The following KCNMA1 variants were observed in gnomAD, a reference collection of about 807,000 sequenced individuals.
The protein encoded by KCNMA1 is Calcium-activated potassium channel subunit alpha-1.
In KCNMA1, 29 loss-of-function variants were observed where a neutral mutation model predicts 140.0. The ratio of observed to expected loss-of-function variants is 0.21; its 90% CI spans 0.15 to 0.28. KCNMA1 has a LOEUF of 0.28. Ranked by LOEUF, KCNMA1 falls within the 10% of genes least tolerant of loss-of-function variation. The pLI, the probability that KCNMA1 is intolerant of heterozygous loss-of-function variation, is 1.00. For synonymous variants in KCNMA1, 612 were observed against 611.9 expected, an observed-to-expected ratio of 1.00 and a Z score of 0.00; for missense variants, 880 against 1,602.2, an observed-to-expected ratio of 0.55 and a Z score of 7.70.
chr10:77,521,186 T>C (rs780262712), intron 1 of KCNMA1, among the ~76,000 whole-genome samples: 6 of 152,104 alleles, frequency 3.9e-5, no homozygotes, highest in Admixed American at 2.6e-4. Flanking sequence ...CTGAGGTGCA[T>C]AAAATTTGGC....
intron 2 of KCNMA1, among the ~76,000 whole-genome samples, chr10:77,305,721 C>G (rs533931326): frequency 2.0e-5 from 3 of 152,186 alleles, no homozygotes; most frequent in Admixed American, 6.5e-5. Context: ...CATAGGCTAC[C>G]TGTCATTCTC....
chr10:77,447,795 C>T (rs1052863548), intron 1 of KCNMA1, among the ~76,000 whole-genome samples: 2 of 152,232 alleles, frequency 1.3e-5, no homozygotes, highest in Non-Finnish European at 1.5e-5. Flanking sequence ...GTGACACCTT[C>T]TCATCAGCAA....
chr10:77,281,795 A>G (rs1687010666), intron 2 of KCNMA1, among the ~76,000 whole-genome samples: 1 of 152,254 alleles, frequency 6.6e-6, no homozygotes, highest in Non-Finnish European at 1.5e-5. Flanking sequence ...ATAAAGGATT[A>G]CATACTGTAT....
intron 3 of KCNMA1, among the ~76,000 whole-genome samples, chr10:77,218,380 T>C (rs1006714258): frequency 6.6e-6 from 1 of 152,216 alleles, no homozygotes; most frequent in African/African-American, 2.4e-5. Context: ...GCAGAATTAC[T>C]TGAATGAATA....
At chr10:76,982,961 G>C (rs1457475010) in intron 19 of KCNMA1, among the ~76,000 whole-genome samples, 2 of 152,098 alleles carry the variant, frequency 1.3e-5, no homozygotes, top group Non-Finnish European at 2.9e-5. Context: ...CTCAGAAAGG[G>C]GTCCCGTGAA....
Position 77,581,792 on chromosome 10 carries a change from T to C in KCNMA1, c.378+55473A>G, listed in dbSNP as rs191598317. On this transcript the variant is annotated intron_variant, in intron 1 of 27. Coordinates refer to ENST00000286628, the MANE Select transcript of KCNMA1 (RefSeq NM_001161352.2). Reference sequence around the variant, plus strand: ...ACTAGGAGTGCTGCAGGTGGTGGCCTTAGAAGGACAGGGGCCAGCCCAGTC... The same window carrying C: ...ACTAGGAGTGCTGCAGGTGGTGGCCCTAGAAGGACAGGGGCCAGCCCAGTC... 2.9e-3 allele frequency among the ~76,000 whole-genome samples: 443 copies of C among 152,306 alleles called. 2 individuals are homozygous for C. The highest frequency in any genetic ancestry group is 0.01 in the African/African-American group (432 of 41,572).
At chr10:77,312,423 C>T (rs1473259983) in intron 2 of KCNMA1, among the ~76,000 whole-genome samples, 2 of 152,142 alleles carry the variant, frequency 1.3e-5, no homozygotes, top group African/African-American at 4.8e-5. Context: ...GTCAGGAGTT[C>T]GAGACCAGCC....
intron 5 of KCNMA1, among the ~76,000 whole-genome samples, chr10:77,124,626 A>T (rs2097694493): frequency 6.6e-6 from 1 of 152,218 alleles, no homozygotes; most frequent in South Asian, 2.1e-4. Context: ...TGTGGGCTGA[A>T]CAAGGGTGGC....
At chr10:77,350,724 A>T (rs1000664818) in intron 2 of KCNMA1, 1 of 152,178 alleles carries the variant, frequency 6.6e-6, no homozygotes, top group Admixed American at 6.5e-5. Context: ...CCATCCTCAT[A>T]TGGGGGTGGG....
intron 15 of KCNMA1, among the ~76,000 whole-genome samples, chr10:77,038,016 A>T (rs1223819185): frequency 6.6e-6 from 1 of 152,162 alleles, no homozygotes; most frequent in African/African-American, 2.4e-5. Context: ...TTCCGAATCA[A>T]TTACCTATTC....
intron 5 of KCNMA1, among the ~76,000 whole-genome samples, chr10:77,135,295 A>G (rs917687083): frequency 2.0e-5 from 3 of 152,200 alleles, no homozygotes; most frequent in Non-Finnish European, 4.4e-5. Flanking sequence ...ACAATGAACT[A>G]TCACTTCACA....
chr10:77,389,634 G>C (rs2095742480), intron 2 of KCNMA1, among the ~76,000 whole-genome samples: 1 of 152,146 alleles, frequency 6.6e-6, no homozygotes. Flanking sequence ...AACTGAGGAA[G>C]GTTCCAAAAG....
At chr10:77,632,196 T>C (rs913864816) in intron 1 of KCNMA1, among the ~76,000 whole-genome samples, 2 of 152,182 alleles carry the variant, frequency 1.3e-5, no homozygotes, top group African/African-American at 4.8e-5. Context: ...ACGCCATGCC[T>C]GCTGATTTTT....
intron 1 of KCNMA1, among the ~76,000 whole-genome samples, chr10:77,518,648 G>A (rs1207404781): frequency 6.6e-5 from 10 of 152,168 alleles, no homozygotes; most frequent in Admixed American, 1.3e-4. Flanking sequence ...TGCCAGCTCT[G>A]TCCCCAGCTT....
intron 2 of KCNMA1, among the ~76,000 whole-genome samples, chr10:77,288,513 T>G (rs541024602): frequency 6.6e-6 from 1 of 152,342 alleles, no homozygotes; most frequent in Non-Finnish European, 1.5e-5. Flanking sequence ...TAGCTTTACA[T>G]GTATTGACTA....
chr10:76,917,777 GCTT>G (rs1487279494), intron 23 of KCNMA1, among the ~76,000 whole-genome samples: 1 of 152,148 alleles, frequency 6.6e-6, no homozygotes, highest in African/African-American at 2.4e-5. Context: ...AGCAAAGTTG[GCTT>G]CTTCTTTTTC....
At chr10:76,969,832 G>C (rs2075472983) in intron 20 of KCNMA1, 142 bp downstream of exon 20, 2 of 685,950 alleles carry the variant, frequency 2.9e-6, no homozygotes, top group South Asian at 1.6e-5. Flanking sequence ...CCTTTAAGAA[G>C]CCATCTAACG....
Position 76,890,943 on chromosome 10 carries a change from C to G in KCNMA1, c.3342+582G>C, listed in dbSNP as rs145322201. On this transcript the variant is annotated intron_variant, in intron 26 of 27. Coordinates refer to ENST00000286628, the MANE Select transcript of KCNMA1 (RefSeq NM_001161352.2). ...GATTCGGTTTGTTTGGCCGGTGGTT[C>G]TGGATACATCTGACTACTGACTACC... Among the ~76,000 whole-genome samples the G allele has an allele frequency of 2.4e-4, 37 of 152,318 alleles. No homozygotes were observed. In the East Asian group the frequency reaches 5.6e-3, roughly 23 times the overall value.
intron 3 of KCNMA1, among the ~76,000 whole-genome samples, chr10:77,210,518 C>T (rs145150345): frequency 3.2e-4 from 49 of 152,278 alleles, no homozygotes; most frequent in Admixed American, 1.6e-3. Context: ...CAAAGACTCC[C>T]GCTCTCATTA....
Sources: allele counts gnomAD v4.1 joint callset (sites outside exome capture counted in the v4.1 genomes callset), GRCh38; gene constraint gnomAD v4.1.1; transcripts MANE v1.5; gene names NCBI Gene and HGNC (gene_info 2026-07-23, HGNC 2026-07-21).